UCHL3: variants seen among roughly 807,000 people sequenced by gnomAD.
UCHL3 encodes ubiquitin C-terminal hydrolase L3, also known as ubiquitin carboxyl-terminal hydrolase isozyme L3.
UCHL3 carries 22 observed loss-of-function variants against 35.8 expected under a neutral mutation model. The ratio of observed to expected loss-of-function variants is 0.61; its 90% CI spans 0.44 to 0.88. The LOEUF (loss-of-function observed/expected upper bound fraction) is 0.88, where lower values mean the gene tolerates loss of function less well. Ranked by LOEUF, UCHL3 falls within the 40% of genes least tolerant of loss-of-function variation. The pLI is 0.00. For missense variants in UCHL3, 229 were observed against 276.9 expected (o/e 0.83, Z 1.23); for synonymous variants, 90 against 92.8 (o/e 0.97, Z 0.17).
chr13:75,596,558 G>T (rs17703316), intron 7 of UCHL3, among the ~76,000 whole-genome samples: 9,682 of 152,222 alleles, frequency 0.064, 437 homozygotes, highest in Non-Finnish European at 0.091. Context: ...CAAGAAAGTA[G>T]ATTTGGCCAG....
Position 75,567,260 on chromosome 13 carries a change from A to T in UCHL3, c.374A>T (p.Glu125Val). ...SGSTLKKFLE[E>V]SVSMSPEERA... ...TCAACCTTGAAAAAATTCCTGGAGG[A>T]ATCTGTGTCAATGAGCCCTGAAGAA... is the stretch of plus-strand genomic sequence containing the variant. Residue 125 changes from glutamate to valine, a missense_variant, in exon 5 of 9, where the codon GAA becomes GTA. Physicochemically the swap from Glu to Val is moderately radical, Grantham distance 121. Coordinates refer to ENST00000377595, the MANE Select transcript of UCHL3 (RefSeq NM_006002.5). 1.2e-6 allele frequency: 2 copies of T among 1,614,090 alleles called. No homozygotes were observed. The highest frequency in any genetic ancestry group is 1.7e-6 in the Non-Finnish European group (2 of 1,180,012).
At chr13:75,603,065 C>T (rs1345120625) in intron 7 of UCHL3, among the ~76,000 whole-genome samples, 1 of 152,092 alleles carries the variant, frequency 6.6e-6, no homozygotes, top group East Asian at 1.9e-4. Context: ...TCATAGCTTG[C>T]TGCGTCCTTG....
At chr13:75,581,995 C>T (rs2032199342) in intron 6 of UCHL3, among the ~76,000 whole-genome samples, 1 of 152,102 alleles carries the variant, frequency 6.6e-6, no homozygotes, top group Non-Finnish European at 1.5e-5. Context: ...AATTAGTTGA[C>T]AGTTGATGGG....
At chr13:75,559,032 T>TATAGGGCA (rs2031391614) in intron 2 of UCHL3, among the ~76,000 whole-genome samples, 2 of 33,968 alleles carry the variant, frequency 5.9e-5, no homozygotes, top group African/African-American at 7.7e-5. Flanking sequence ...CCCGGACTCT[T>TATAGGGCA]TTTTTTTTTT....
At position 75,554,581 on chromosome 13, in the gene UCHL3, C is replaced by G. The variant is rs751261170; in HGVS notation, c.54+4594C>G. Among the ~76,000 whole-genome samples, 263 of 152,302 alleles carry G rather than the reference C, an allele frequency of 1.7e-3. 1 individual carries two copies. The highest frequency in any genetic ancestry group is 1.4e-3 in the Non-Finnish European group (93 of 68,018). ...AAGCCACCATCCTTAGCTTGGACAA[C>G]TATAGTAGGCTCCTAACTAGTTCTT... On this transcript the variant is annotated intron_variant, in intron 2 of 8. Transcript: ENST00000377595.
chr13:75,596,676 A>G (rs2138578732), intron 7 of UCHL3, among the ~76,000 whole-genome samples: 1 of 152,274 alleles, frequency 6.6e-6, no homozygotes, highest in East Asian at 1.9e-4. Context: ...TTTAAACCAA[A>G]AGAAAACCTC....
chr13:75,600,941 T>G (rs2032768107), intron 7 of UCHL3, among the ~76,000 whole-genome samples: 1 of 152,204 alleles, frequency 6.6e-6, no homozygotes, highest in Non-Finnish European at 1.5e-5. Flanking sequence ...GCTCAAAGTA[T>G]CAACATTAAC....
chr13:75,578,042 G>T (rs1021716645), intron 6 of UCHL3, among the ~76,000 whole-genome samples: 1 of 151,842 alleles, frequency 6.6e-6, no homozygotes, highest in East Asian at 1.9e-4. Flanking sequence ...TACCAGTATG[G>T]AAAAAATAGC....
chr13:75,566,190 A>G (rs2031676222), intron 3 of UCHL3, among the ~76,000 whole-genome samples: 3 of 152,348 alleles, frequency 2.0e-5, no homozygotes, highest in Non-Finnish European at 2.9e-5. Context: ...CAATGTGTAT[A>G]TACATATTTT....
At chr13:75,589,982 A>G (rs1399588559) in intron 6 of UCHL3, 1 of 1,304,720 alleles carries the variant, frequency 7.7e-7, no homozygotes, top group Non-Finnish European at 1.0e-6. Flanking sequence ...GCCACTGCAG[A>G]ACGAAGGCCT....
chr13:75,567,281 A>G lies in UCHL3; in HGVS notation c.395A>G (p.Glu132Gly), dbSNP rs1443929529. 1 of 1,614,200 alleles carries G rather than the reference A, an allele frequency of 6.2e-7. No individual in the cohort carries two copies. Among genetic ancestry groups the G allele is most frequent in the East Asian group, 2.2e-5 (1 of 44,870 alleles). The change falls in exon 5 of 9, where the codon GAA becomes GGA. Residue 132 changes from glutamate to glycine, a missense_variant. By Grantham distance (98) the Glu-to-Gly change is moderately conservative. Transcript: ENST00000377595. Reference sequence around the variant, plus strand: ...GAGGAATCTGTGTCAATGAGCCCTGAAGAACGAGCCAGATACCTGGAGAAC... The same window carrying G: ...GAGGAATCTGTGTCAATGAGCCCTGGAGAACGAGCCAGATACCTGGAGAAC... The part of the protein sequence containing the change: ...FLEESVSMSP[E>G]ERARYLENYD...
chr13:75,564,614 G>A (rs552754250), intron 3 of UCHL3, among the ~76,000 whole-genome samples: 2 of 152,230 alleles, frequency 1.3e-5, no homozygotes, highest in East Asian at 3.9e-4. Flanking sequence ...CCCACCAACA[G>A]TGCACTTGGG....
intron 6 of UCHL3, among the ~76,000 whole-genome samples, chr13:75,592,461 T>TCA (rs1434416210): frequency 9.1e-6 from 1 of 109,598 alleles, no homozygotes. Context: ...TATATATATA[T>TCA]ATATATGAAG....
chr13:75,571,974 C>CCCTGTCTTGT (rs1470818031), intron 6 of UCHL3, among the ~76,000 whole-genome samples: 1 of 63,954 alleles, frequency 1.6e-5, no homozygotes, highest in Non-Finnish European at 3.0e-5. Flanking sequence ...GTTTTCCTAA[C>CCCTGTCTTGT]CCTGTCTTGT....
At chr13:75,588,615 C>CT (rs753012912) in intron 6 of UCHL3, among the ~76,000 whole-genome samples, 3 of 152,132 alleles carry the variant, frequency 2.0e-5, no homozygotes, top group South Asian at 2.1e-4. Context: ...AAAATGATAG[C>CT]TTTTTTTAAA....
At chr13:75,570,464 C>T (rs1456069808) in intron 6 of UCHL3, among the ~76,000 whole-genome samples, 2 of 152,172 alleles carry the variant, frequency 1.3e-5, no homozygotes, top group African/African-American at 4.8e-5. Context: ...TCTCGATCTC[C>T]TGACCTTGTG....
At chr13:75,555,612 T>TTTA (rs1555272542) in intron 2 of UCHL3, among the ~76,000 whole-genome samples, 1 of 65,678 alleles carries the variant, frequency 1.5e-5, no homozygotes, top group Non-Finnish European at 5.9e-5. Context: ...GGTTTAATTT[T>TTTA]TTATTATAAT....
chr13:75,560,798 G>T lies in UCHL3; in HGVS notation c.100G>T (p.Val34Leu). The change falls in exon 3 of 9, where the codon GTA becomes TTA. Residue 34 changes from valine (V) to leucine (L), a missense_variant. Val to Leu is a conservative substitution (Grantham distance 32). Coordinates refer to ENST00000377595, the MANE Select transcript of UCHL3 (RefSeq NM_006002.5). ...ACATCCTAACTGGCAATTCGTTGAT[G>T]TATATGGAATGGATCCTGAACTCCT... The part of the protein sequence containing the change: ...GLHPNWQFVD[V>L]YGMDPELLSM... 6.2e-7 allele frequency: 1 copy of T among 1,600,582 alleles called. No individual in the cohort carries two copies. The highest frequency in any genetic ancestry group is 8.5e-7 in the Non-Finnish European group (1 of 1,175,614).
At chr13:75,601,690 A>G (rs937672257) in intron 7 of UCHL3, among the ~76,000 whole-genome samples, 11 of 152,236 alleles carry the variant, frequency 7.2e-5, no homozygotes, top group African/African-American at 2.7e-4. Flanking sequence ...TTTTATTGTG[A>G]TACTTGCTTC....
Sources: gnomAD v4.1 joint callset for allele counts (sites outside exome capture counted in the v4.1 genomes callset) on GRCh38, gnomAD v4.1.1 for gene constraint, MANE v1.5 for transcripts, NCBI Gene and HGNC (gene_info 2026-07-23, HGNC 2026-07-21) for gene names.